Variants in ZNF181 observed in about 807,000 individuals in gnomAD.
ZNF181 encodes the protein zinc finger protein 181.
Under a neutral mutation model 11.9 loss-of-function variants are expected in ZNF181, and 8 were observed. That is an observed-to-expected ratio of 0.67 (90% CI 0.39 to 1.21). The LOEUF is 1.21. Ranked by LOEUF, ZNF181 falls within the 50% of genes most tolerant of loss-of-function variation. The pLI, the probability that ZNF181 is intolerant of heterozygous loss-of-function variation, is 0.01. For synonymous variants in ZNF181, 202 were observed against 221.1 expected, an observed-to-expected ratio of 0.91 and a Z score of 0.77; for missense variants, 542 against 670.9, an observed-to-expected ratio of 0.81 and a Z score of 2.12.
Position 34,740,871 on chromosome 19 carries a change from T to C in ZNF181, c.490T>C (p.Phe164Leu). The C allele has an allele frequency of 6.2e-7, 1 of 1,614,054 alleles. No individual in the cohort carries two copies. The highest frequency in any genetic ancestry group is 8.5e-7 in the Non-Finnish European group (1 of 1,179,954). Residue 164 changes from phenylalanine to leucine, a missense_variant, in exon 4 of 4, where the codon TTT becomes CTT. By Grantham distance (22) the Phe-to-Leu change is conservative (BLOSUM62 0). Coordinates refer to ENST00000492450, the MANE Select transcript of ZNF181 (RefSeq NM_001029997.4). ...VYKYNIFRSTFHSKSTLSEPQ... is the reference protein window; with the variant it reads ...VYKYNIFRSTLHSKSTLSEPQ... ...CAAATACAATATATTTAGAAGCACCTTTCATTCAAAGTCTACTCTTTCTGA... is the reference window on the plus strand; with the variant it reads ...CAAATACAATATATTTAGAAGCACCCTTCATTCAAAGTCTACTCTTTCTGA...
chr19:34,740,659 A>G lies in ZNF181; in HGVS notation c.278A>G (p.Asn93Ser), dbSNP rs3826976. 8 of 1,601,306 alleles carry G rather than the reference A, an allele frequency of 5.0e-6. No individual in the cohort carries two copies. The highest frequency in any genetic ancestry group is 6.8e-6 in the Non-Finnish European group (8 of 1,174,872). Residue 93 changes from asparagine (N) to serine (S), a missense_variant, in exon 4 of 4, where the codon AAT becomes AGT. Transcript: ENST00000492450. ...ENKELSTKKD[N>S]YDEDSPQTVI... ...AAGGAATTATCAACAAAGAAGGATA[A>G]TTATGATGAAGATTCACCCCAAACA... is the stretch of plus-strand genomic sequence containing the variant.
chr19:34,735,047 G>GT lies in ZNF181; in HGVS notation c.9+2dup. The GT allele has an allele frequency of 6.4e-7, 1 of 1,574,408 alleles. No individual in the cohort carries two copies. Among genetic ancestry groups the GT allele is most frequent in the Non-Finnish European group, 8.6e-7 (1 of 1,159,344 alleles). ...TGGAAATTGCAGAGTAATGCCTCAGGTAGGTCGGTGTGTCCGCAAATCTTC... is the reference window on the plus strand; with the variant it reads ...TGGAAATTGCAGAGTAATGCCTCAGGTTAGGTCGGTGTGTCCGCAAATCTTC... On this transcript the variant is annotated splice_donor_variant, in intron 1 of 3. Transcript: ENST00000492450. LOFTEE classifies it high-confidence loss of function.
At chr19:34,736,208 T>G in intron 1 of ZNF181, 1 of 701,420 alleles carries the variant, frequency 1.4e-6, no homozygotes, top group Non-Finnish European at 2.6e-6. Flanking sequence ...GGAGGGGATG[T>G]GAGTAGCAGA....
chr19:34,743,862 T>C lies in ZNF181; in HGVS notation c.*1765T>C, dbSNP rs1164848666. ...CTGAACCTTGACAGATAATTATGTT[T>C]TGTAAGGAGGCAGGATGGCTTCAAA... On this transcript the variant is annotated 3_prime_UTR_variant, in exon 4 of 4. Coordinates refer to ENST00000492450, the MANE Select transcript of ZNF181 (RefSeq NM_001029997.4). 1.3e-5 allele frequency: 2 copies of C among 152,178 alleles called. No individual in the cohort carries two copies. The highest frequency in any genetic ancestry group is 4.8e-5 in the African/African-American group (2 of 41,450). The allele number at this position is 152,178 out of a possible 1,614,324, so 9.4% of individuals were successfully genotyped here. A position where few individuals can be genotyped will look rare whatever the true frequency, so the allele number is the denominator to read the frequency against.
chr19:34,742,727 C>A lies in ZNF181; in HGVS notation c.*630C>A, dbSNP rs1208061691. The A allele has an allele frequency of 6.6e-6, 1 of 152,160 alleles. No individual in the cohort carries two copies. Among genetic ancestry groups the A allele is most frequent in the Non-Finnish European group, 1.5e-5 (1 of 68,022 alleles). 9.4% of individuals were successfully genotyped at this position (152,160 alleles called of 1,614,324 possible). ...TTCAGTTGAGTTCTACTTAGAAATTCTTTTTAGCTAGTGGGCATGTGAAGA... is the reference window on the plus strand; with the variant it reads ...TTCAGTTGAGTTCTACTTAGAAATTATTTTTAGCTAGTGGGCATGTGAAGA... On this transcript the variant is annotated 3_prime_UTR_variant, in exon 4 of 4. Transcript: ENST00000492450.
chr19:34,741,942 G>A lies in ZNF181; in HGVS notation c.1561G>A (p.Glu521Lys). 3 of 1,613,880 alleles carry A rather than the reference G, an allele frequency of 1.9e-6. No individual in the cohort carries two copies. Among genetic ancestry groups the A allele is most frequent in the Non-Finnish European group, 1.7e-6 (2 of 1,179,908 alleles). ...HTGEKPYKCN[E>K]CGKAFSKGSN... Reference sequence around the variant, plus strand: ...TGGAGAAAAGCCATATAAATGTAATGAGTGTGGGAAAGCTTTTAGCAAAGG... The same window carrying A: ...TGGAGAAAAGCCATATAAATGTAATAAGTGTGGGAAAGCTTTTAGCAAAGG... Residue 521 changes from glutamate to lysine, a missense_variant, in exon 4 of 4, where the codon GAG (glutamate) becomes AAG (lysine). Coordinates refer to ENST00000492450, the MANE Select transcript of ZNF181 (RefSeq NM_001029997.4).
chr19:34,740,320 A>G lies in ZNF181; in HGVS notation c.230-291A>G, dbSNP rs116574135. 8.2e-3 allele frequency among the ~76,000 whole-genome samples: 1,251 copies of G among 152,328 alleles called. 19 individuals are homozygous for G. The highest frequency in any genetic ancestry group is 0.029 in the African/African-American group (1,185 of 41,574). On this transcript the variant is annotated intron_variant, in intron 3 of 3. Coordinates refer to ENST00000492450, the MANE Select transcript of ZNF181 (RefSeq NM_001029997.4). ...ACAAAATGATGGCTTGGAATCCAGA[A>G]TGCCTTCCACATTTTATTTCTGATA...
intron 3 of ZNF181, 139 bp from the exon 4 acceptor site, chr19:34,740,472 G>A (rs1324463850): frequency 2.4e-6 from 2 of 848,850 alleles, no homozygotes; most frequent in Admixed American, 5.0e-5. Context: ...AGAAATCATT[G>A]AAATATTTCA....
intron 1 of ZNF181, among the ~76,000 whole-genome samples, chr19:34,735,917 T>C (rs2068881582): frequency 6.6e-6 from 1 of 152,234 alleles, no homozygotes. Context: ...CGCAGTCACC[T>C]TCCCTCGCCT....
At position 34,741,629 on chromosome 19, in the gene ZNF181, CCT is replaced by C; in HGVS notation, c.1252_1253del (p.Ser418IlefsTer11). 6.2e-7 allele frequency: 1 copy of C among 1,613,832 alleles called. No homozygotes were observed. Among genetic ancestry groups the C allele is most frequent in the Non-Finnish European group, 8.5e-7 (1 of 1,179,884 alleles). Reference sequence around the variant, plus strand: ...ACAAATGTCTGAAAGTCTTTAGTAGCCTCTCATTTCTTGTTCAGCATCAGAGT... The same window carrying C: ...ACAAATGTCTGAAAGTCTTTAGTAGCCTCATTTCTTGTTCAGCATCAGAGT... The part of the protein sequence containing the change: ...CNKCLKVFSS[L>X]SFLVQHQSIH... On this transcript the variant is annotated frameshift_variant, in exon 4 of 4. Coordinates refer to ENST00000492450, the MANE Select transcript of ZNF181 (RefSeq NM_001029997.4). LOFTEE classifies it low-confidence loss of function (END_TRUNC).
At position 34,739,559 on chromosome 19, in the gene ZNF181, T is replaced by A. The variant is rs1390621211; in HGVS notation, c.167T>A (p.Leu56Ter). ...GTAACTAAGCCATATGTGATCACGT[T>A]ATTGGAGGATGGAAAAGAGCCCTGG... The part of the protein sequence containing the change: ...LSVTKPYVIT[L>*]LEDGKEPWMM... Residue 56 changes from leucine (L) to a stop codon, truncating the protein, a stop_gained, in exon 3 of 4, where the codon TTA (leucine) becomes TAA (stop). Coordinates refer to ENST00000492450, the MANE Select transcript of ZNF181 (RefSeq NM_001029997.4). LOFTEE classifies it high-confidence loss of function. 1.2e-6 allele frequency: 2 copies of A among 1,614,064 alleles called. No homozygotes were observed. The highest frequency in any genetic ancestry group is 1.7e-6 in the Non-Finnish European group (2 of 1,179,974).
Position 34,744,499 on chromosome 19 carries a change from TAAAA to T in ZNF181, c.*2410_*2413del, listed in dbSNP as rs61187756. The T allele has an allele frequency of 2.0e-5, 3 of 147,674 alleles. No individual in the cohort carries two copies. Among genetic ancestry groups the T allele is most frequent in the Non-Finnish European group, 4.5e-5 (3 of 66,552 alleles). The allele number at this position is 147,674 out of a possible 1,614,324, so 9.1% of individuals were successfully genotyped here. A position where few individuals can be genotyped will look rare whatever the true frequency, so the allele number is the denominator to read the frequency against. On this transcript the variant is annotated 3_prime_UTR_variant, in exon 4 of 4. Transcript: ENST00000492450. ...AATATAGCAAAACTCATTAGTCTGT[TAAAA>T]AAAAAAATTACCCAGGTGTAGGCAC...
rs764799472 is a variant in ZNF181, at chr19:34,739,570, G to A, written c.178G>A (p.Gly60Arg). ...ATATGTGATCACGTTATTGGAGGAT[G>A]GAAAAGAGCCCTGGATGATGGAGAA... Reference protein sequence around the residue: ...KPYVITLLEDGKEPWMMEKKL... With the variant: ...KPYVITLLEDRKEPWMMEKKL... Residue 60 changes from glycine to arginine, a missense_variant, in exon 3 of 4, where the codon GGA (glycine) becomes AGA (arginine). Coordinates refer to ENST00000492450, the MANE Select transcript of ZNF181 (RefSeq NM_001029997.4). The A allele has an allele frequency of 1.9e-6, 3 of 1,614,062 alleles. No homozygotes were observed. The highest frequency in any genetic ancestry group is 2.7e-5 in the African/African-American group (2 of 74,994).
chr19:34,740,145 G>A (rs542954438), intron 3 of ZNF181, among the ~76,000 whole-genome samples: 15 of 152,240 alleles, frequency 9.9e-5, no homozygotes, highest in South Asian at 6.2e-4. Flanking sequence ...GCTATAAAGA[G>A]CATTTAGATT....
In ZNF181 at chr19:34,734,624, GAACA is replaced by G. The variant is rs2068860467; in HGVS notation, c.-411_-408del. The G allele has an allele frequency of 5.5e-6, 1 of 181,290 alleles. No individual in the cohort carries two copies. Among genetic ancestry groups the G allele is most frequent in the African/African-American group, 2.4e-5 (1 of 42,284 alleles). 11.2% of individuals were successfully genotyped at this position (181,290 alleles called of 1,614,324 possible). ...CGGCGCTCTACAGTTGTGTAACCTT[GAACA>G]AATGGGTTCAGTATCTTGGAATTTC... On this transcript the variant is annotated 5_prime_UTR_variant, in exon 1 of 4. It adds an upstream start codon to the 5' untranslated region. Transcript: ENST00000492450.
chr19:34,734,610 A>G lies in ZNF181; in HGVS notation c.-428A>G, dbSNP rs569150057. On this transcript the variant is annotated 5_prime_UTR_variant, in exon 1 of 4. Transcript: ENST00000492450. ...TGTCGTCATGAAGCCGGCGCTCTAC[A>G]GTTGTGTAACCTTGAACAAATGGGT... The G allele has an allele frequency of 1.8e-4, 30 of 167,106 alleles. No individual in the cohort carries two copies. Among genetic ancestry groups the G allele is most frequent in the Admixed American group, 7.0e-4 (12 of 17,092 alleles). The allele number at this position is 167,106 out of a possible 1,614,324, so 10.4% of individuals were successfully genotyped here. A position where few individuals can be genotyped will look rare whatever the true frequency, so the allele number is the denominator to read the frequency against.
chr19:34,744,084 A>C lies in ZNF181; in HGVS notation c.*1987A>C, dbSNP rs1170721904. 6.6e-6 allele frequency: 1 copy of C among 152,168 alleles called. No homozygotes were observed. Among genetic ancestry groups the C allele is most frequent in the African/African-American group, 2.4e-5 (1 of 41,434 alleles). 9.4% of individuals were successfully genotyped at this position (152,168 alleles called of 1,614,324 possible). The stretch of plus-strand genomic sequence containing the variant: ...TGAGAGTAGTAAGATATGTTATTTT[A>C]AAAAGGAACATTATGTTATAGTTAT... On this transcript the variant is annotated 3_prime_UTR_variant, in exon 4 of 4. Coordinates refer to ENST00000492450, the MANE Select transcript of ZNF181 (RefSeq NM_001029997.4).
intron 1 of ZNF181, chr19:34,736,220 G>A: frequency 1.4e-6 from 1 of 698,826 alleles, no homozygotes; most frequent in Non-Finnish European, 2.6e-6. Context: ...AGTAGCAGAT[G>A]TACATGTTGG....
intron 3 of ZNF181, 120 bp from the exon 4 acceptor site, chr19:34,740,491 A>G (rs1382413737): frequency 1.1e-5 from 11 of 980,284 alleles, no homozygotes; most frequent in Non-Finnish European, 1.7e-5. Flanking sequence ...CAGTTGTCAG[A>G]ACTATGTGTT....
Sources: gnomAD v4.1 joint callset for allele counts (sites outside exome capture counted in the v4.1 genomes callset) on GRCh38, gnomAD v4.1.1 for gene constraint, MANE v1.5 for transcripts, NCBI Gene and HGNC (gene_info 2026-07-23, HGNC 2026-07-21) for gene names.